The following RBFOX1 variants were observed in gnomAD, a reference collection of about 807,000 sequenced individuals.
The protein encoded by RBFOX1 is RNA binding protein fox-1 homolog 1.
In RBFOX1, 8 loss-of-function variants were observed where a neutral mutation model predicts 57.7. The observed-to-expected ratio is 0.14, with a 90% CI of 0.08 to 0.25. The LOEUF (loss-of-function observed/expected upper bound fraction) is 0.25. Ranked by LOEUF, RBFOX1 falls within the 10% of genes least tolerant of loss-of-function variation. The pLI, the probability that RBFOX1 is intolerant of heterozygous loss-of-function variation, is 1.00. For missense variants in RBFOX1, 611 were observed against 548.5 expected, an observed-to-expected ratio of 1.11 and a Z score of -1.14; for synonymous variants, 326 against 222.4, an observed-to-expected ratio of 1.47 and a Z score of -4.15.
chr16:7,155,062 T>G (rs2076815937), intron 4 of RBFOX1, among the ~76,000 whole-genome samples: 1 of 152,136 alleles, frequency 6.6e-6, no homozygotes, highest in South Asian at 2.1e-4. Context: ...GCATCTTATG[T>G]GTGTGTGTTT....
intron 10 of RBFOX1, chr16:7,614,092 C>G (rs971964180): frequency 1.3e-5 from 2 of 152,218 alleles, no homozygotes; most frequent in Non-Finnish European, 2.9e-5. Flanking sequence ...ACCAGGAGGA[C>G]TAGACTCGAA....
In RBFOX1 at chr16:7,711,081, G is replaced by A. The variant is rs1216969312; in HGVS notation, c.*336G>A. 4.3e-5 allele frequency: 8 copies of A among 186,142 alleles called. No homozygotes were observed. Among genetic ancestry groups the A allele is most frequent in the Non-Finnish European group, 3.3e-5 (3 of 91,134 alleles). The allele number at this position is 186,142 out of a possible 1,614,324, so 11.5% of individuals were successfully genotyped here. ...ATTATGTAAATGAATTATATATGCT[G>A]AATATTAAGCTACTGGGGTTATCAG... On this transcript the variant is annotated 3_prime_UTR_variant, in exon 16 of 16. Transcript: ENST00000550418.
chr16:5,839,448 G>C (rs1001149996), intron 3 of RBFOX1, among the ~76,000 whole-genome samples: 2 of 152,088 alleles, frequency 1.3e-5, no homozygotes, highest in Admixed American at 1.3e-4. Context: ...GCATTATCTG[G>C]TCCTGATTCA....
chr16:6,999,206 ATTTTTATTTATTT>A (rs2092554438), intron 3 of RBFOX1, among the ~76,000 whole-genome samples: 1 of 72,126 alleles, frequency 1.4e-5, no homozygotes, highest in African/African-American at 6.0e-5. Context: ...TTTATTTTTT[ATTTTTATTTATTT>A]TTTTTATTTA....
chr16:5,469,464 C>G (rs964217267), intron 2 of RBFOX1, among the ~76,000 whole-genome samples: 16 of 152,204 alleles, frequency 1.1e-4, no homozygotes, highest in African/African-American at 3.6e-4. Flanking sequence ...TCTACGCTGC[C>G]TGAGTGATGG....
rs550154700 is a variant in RBFOX1, at chr16:6,692,696, G to C, written c.-16+38046G>C. 6.6e-5 allele frequency among the ~76,000 whole-genome samples: 10 copies of C among 151,650 alleles called. No homozygotes were observed. The South Asian group carries it at 1.0e-3, about 16-fold the overall frequency. ...GTTTCCCTTTAACCAACACCTAGTTGAAATGCCTACTATATACTCCAAGTC... is the reference window on the plus strand; with the variant it reads ...GTTTCCCTTTAACCAACACCTAGTTCAAATGCCTACTATATACTCCAAGTC... On this transcript the variant is annotated intron_variant, in intron 3 of 15. Coordinates refer to ENST00000550418, the MANE Select transcript of RBFOX1 (RefSeq NM_018723.4).
chr16:7,431,210 C>T (rs1233773574), intron 4 of RBFOX1: 1 of 152,078 alleles, frequency 6.6e-6, no homozygotes, highest in Non-Finnish European at 1.5e-5. Flanking sequence ...CTATTTTTTA[C>T]ATGTCTTTTA....
chr16:7,387,947 A>G (rs1387506065), intron 4 of RBFOX1, among the ~76,000 whole-genome samples: 2 of 152,172 alleles, frequency 1.3e-5, no homozygotes, highest in African/African-American at 4.8e-5. Context: ...GAAGGGTCAA[A>G]GCATCCCAGA....
intron 3 of RBFOX1, among the ~76,000 whole-genome samples, chr16:6,827,441 T>TGCAG (rs1312096985): frequency 6.7e-6 from 1 of 149,976 alleles, no homozygotes; most frequent in Non-Finnish European, 1.5e-5. Flanking sequence ...GGTCAATTGA[T>TGCAG]GCAGTCTCAG....
chr16:7,214,558 C>T (rs560669736), intron 4 of RBFOX1, among the ~76,000 whole-genome samples: 7 of 152,098 alleles, frequency 4.6e-5, no homozygotes, highest in Non-Finnish European at 8.8e-5. Context: ...TCTGCTTGGT[C>T]ACCCCACTAG....
intron 4 of RBFOX1, among the ~76,000 whole-genome samples, chr16:7,489,258 T>G (rs1028398847): frequency 6.6e-6 from 1 of 152,164 alleles, no homozygotes; most frequent in African/African-American, 2.4e-5. Context: ...TATTAATGGT[T>G]GAGTAATGTA....
chr16:6,781,798 A>G (rs1340428330), intron 3 of RBFOX1, among the ~76,000 whole-genome samples: 1 of 152,030 alleles, frequency 6.6e-6, no homozygotes, highest in Admixed American at 6.6e-5. Flanking sequence ...ATATATTTGG[A>G]CATTCTCTCT....
At chr16:5,422,800 A>C (rs1411023565) in intron 1 of RBFOX1, among the ~76,000 whole-genome samples, 15 of 106,630 alleles carry the variant, frequency 1.4e-4, no homozygotes, top group African/African-American at 5.4e-4. Flanking sequence ...GTGGGAAGAA[A>C]GAGGAGGAGG....
At chr16:6,733,264 A>C (rs2154175638) in intron 3 of RBFOX1, among the ~76,000 whole-genome samples, 1 of 152,252 alleles carries the variant, frequency 6.6e-6, no homozygotes, top group South Asian at 2.1e-4. Context: ...TTTGGCCTTC[A>C]GTGTGATAGA....
intron 3 of RBFOX1, among the ~76,000 whole-genome samples, chr16:5,667,187 T>G (rs2049875241): frequency 6.6e-6 from 1 of 152,212 alleles, no homozygotes; most frequent in African/African-American, 2.4e-5. Context: ...TAACATTTTG[T>G]TTTCTCTTTA....
intron 4 of RBFOX1, among the ~76,000 whole-genome samples, chr16:5,903,610 C>A (rs1375450207): frequency 6.6e-6 from 1 of 152,066 alleles, no homozygotes; most frequent in Non-Finnish European, 1.5e-5. Context: ...TGGTTTGCCC[C>A]CATTAGACCT....
chr16:7,295,216 C>A (rs2095866287), intron 4 of RBFOX1, among the ~76,000 whole-genome samples: 1 of 152,056 alleles, frequency 6.6e-6, no homozygotes, highest in African/African-American at 2.4e-5. Context: ...AAGACCAGGG[C>A]AGAAAGGTGA....
chr16:5,552,768 C>G (rs925415421), intron 2 of RBFOX1, among the ~76,000 whole-genome samples: 2 of 152,136 alleles, frequency 1.3e-5, no homozygotes, highest in African/African-American at 4.8e-5. Flanking sequence ...GCTCTGATCA[C>G]AGTCAGATAA....
chr16:5,356,397 A>C (rs2065390294), intron 1 of RBFOX1, among the ~76,000 whole-genome samples: 1 of 152,198 alleles, frequency 6.6e-6, no homozygotes, highest in Non-Finnish European at 1.5e-5. Context: ...CTCTATAGGG[A>C]CTAAACTTTC....
Sources: gnomAD v4.1 joint callset for allele counts (sites outside exome capture counted in the v4.1 genomes callset) on GRCh38, gnomAD v4.1.1 for gene constraint, MANE v1.5 for transcripts, NCBI Gene and HGNC (gene_info 2026-07-23, HGNC 2026-07-21) for gene names.